PCDH11X: variants seen among roughly 807,000 people sequenced by gnomAD.
PCDH11X encodes protocadherin-11 X-linked.
Under a neutral mutation model 53.3 loss-of-function variants are expected in PCDH11X, and 18 were observed. The ratio of observed to expected loss-of-function variants is 0.34; its 90% CI spans 0.23 to 0.50. The LOEUF (loss-of-function observed/expected upper bound fraction) is 0.50. Ranked by LOEUF, PCDH11X falls within the 20% of genes least tolerant of loss-of-function variation. The pLI is 0.98. For synonymous variants in PCDH11X, 279 were observed against 393.3 expected, an observed-to-expected ratio of 0.71 and a Z score of 3.44; for missense variants, 570 against 1,032.4, an observed-to-expected ratio of 0.55 and a Z score of 6.14.
intron 8 of PCDH11X, among the ~76,000 whole-genome samples, chrX:92,320,111 A>G (rs1016541861): frequency 4.7e-4 from 53 of 111,946 alleles, no homozygotes; most frequent in African/African-American, 1.7e-3. Context: ...TCTTCTACAC[A>G]TTGAAACAAA....
intron 6 of PCDH11X, among the ~76,000 whole-genome samples, chrX:91,890,012 A>C (rs1173566442): frequency 9.5e-6 from 1 of 105,394 alleles, no homozygotes; most frequent in African/African-American, 3.5e-5. Context: ...AAATTAAAGA[A>C]ATGAGAGGGA....
chrX:92,592,686 G>A (rs2750630), intron 10 of PCDH11X, among the ~76,000 whole-genome samples: 1 of 112,008 alleles, frequency 8.9e-6, no homozygotes, highest in Admixed American at 9.4e-5. Flanking sequence ...AGCCGAGATC[G>A]CATCACTGCA....
intron 9 of PCDH11X, among the ~76,000 whole-genome samples, chrX:92,408,026 A>G (rs773891571): frequency 0.01 from 1,099 of 109,768 alleles, 6 homozygotes; most frequent in African/African-American, 0.035. Context: ...CTGGGATTAC[A>G]GGCACATGCC....
intron 9 of PCDH11X, among the ~76,000 whole-genome samples, chrX:92,390,247 G>A (rs2754892): frequency 1.8e-5 from 2 of 109,810 alleles, no homozygotes; most frequent in South Asian, 3.9e-4. Flanking sequence ...AGAAAATTTT[G>A]GTTAGGAGTT....
At position 91,877,644 on chromosome X, in the gene PCDH11X, G is replaced by T; in HGVS notation, c.1404G>T (p.Gln468His). ...DENDNAPVFTQSFVTVSIPEN... is the reference protein window; with the variant it reads ...DENDNAPVFTHSFVTVSIPEN... ...ATGACAATGCTCCAGTTTTCACCCAGTCTTTCGTAACTGTTTCTATTCCTG... is the reference window on the plus strand; with the variant it reads ...ATGACAATGCTCCAGTTTTCACCCATTCTTTCGTAACTGTTTCTATTCCTG... Residue 468 changes from glutamine to histidine, a missense_variant, in exon 6 of 11, where the codon CAG (glutamine) becomes CAT (histidine). Around this residue, in one of 6 missense-constraint regions of PCDH11X, gnomAD observed 226 missense variants for 457.5 expected, o/e 0.49. Transcript: ENST00000682573. The T allele has an allele frequency of 2.5e-6, 3 of 1,210,345 alleles. No individual in the cohort carries two copies. The highest frequency in any genetic ancestry group is 3.4e-6 in the Non-Finnish European group (3 of 895,149).
chrX:92,449,971 G>T (rs1389009857), intron 9 of PCDH11X, among the ~76,000 whole-genome samples: 1 of 111,031 alleles, frequency 9.0e-6, no homozygotes, highest in Non-Finnish European at 1.9e-5. Context: ...CAGTATAATT[G>T]TATAATTTAA....
intron 8 of PCDH11X, among the ~76,000 whole-genome samples, chrX:92,369,166 T>C (rs960083072): frequency 9.2e-6 from 1 of 108,551 alleles, no homozygotes; most frequent in Non-Finnish European, 1.9e-5. Flanking sequence ...GGGTTTTGTC[T>C]GTAAGTTCCT....
At chrX:91,813,831 A>G (rs1343719599) in intron 4 of PCDH11X, among the ~76,000 whole-genome samples, 1 of 109,807 alleles carries the variant, frequency 9.1e-6, no homozygotes, top group East Asian at 2.8e-4. Context: ...GAATAAAAAT[A>G]GAGAGGAGAA....
intron 10 of PCDH11X, among the ~76,000 whole-genome samples, chrX:92,498,644 C>T (rs2073902932): frequency 9.4e-6 from 1 of 106,888 alleles, no homozygotes; most frequent in East Asian, 3.0e-4. Context: ...TTGACTTAAC[C>T]TACCTTTAAA....
chrX:92,063,287 C>G (rs1221913417), intron 6 of PCDH11X, among the ~76,000 whole-genome samples: 1 of 109,129 alleles, frequency 9.2e-6, no homozygotes, highest in Non-Finnish European at 1.9e-5. Flanking sequence ...ACGTTTATAC[C>G]TATGTAACAA....
In PCDH11X at chrX:91,877,698, G is replaced by T; in HGVS notation, c.1458G>T (p.Thr486=). The T allele has an allele frequency of 8.3e-7, 1 of 1,211,424 alleles. No homozygotes were observed. Among genetic ancestry groups the T allele is most frequent in the African/African-American group, 1.7e-5 (1 of 57,691 alleles). ...ATAACTCTCCTGGCATCCAGTTGACGAAAGTAAGTGCAATGGATGCAGACA... is the reference window on the plus strand; with the variant it reads ...ATAACTCTCCTGGCATCCAGTTGACTAAAGTAAGTGCAATGGATGCAGACA... ...PENNSPGIQL[T]KVSAMDADSG... Residue 486 remains threonine, a synonymous_variant, in exon 6 of 11, where the codon ACG becomes ACT. Coordinates refer to ENST00000682573, the MANE Select transcript of PCDH11X (RefSeq NM_032968.5).
intron 6 of PCDH11X, among the ~76,000 whole-genome samples, chrX:91,949,781 A>G (rs2061616802): frequency 9.1e-6 from 1 of 109,963 alleles, no homozygotes. Context: ...TTTTAATCAG[A>G]TACAAACTAT....
chrX:92,599,242 A>G (rs1260391995), intron 10 of PCDH11X, among the ~76,000 whole-genome samples: 2 of 111,478 alleles, frequency 1.8e-5, no homozygotes, highest in Admixed American at 9.5e-5. Flanking sequence ...GGGATGGATA[A>G]CCCATATTTC....
At chrX:92,251,918 T>C (rs1237382243) in intron 7 of PCDH11X, among the ~76,000 whole-genome samples, 1 of 111,386 alleles carries the variant, frequency 9.0e-6, no homozygotes, top group Non-Finnish European at 1.9e-5. Context: ...TTTATTGTTA[T>C]AAAGATGCTA....
At chrX:91,893,432 C>T (rs1940598771) in intron 6 of PCDH11X, among the ~76,000 whole-genome samples, 1 of 106,138 alleles carries the variant, frequency 9.4e-6, no homozygotes, top group African/African-American at 3.4e-5. Context: ...ACTGCAAGCG[C>T]TTTTAGGCAT....
intron 10 of PCDH11X, among the ~76,000 whole-genome samples, chrX:92,615,546 T>C (rs1392693197): frequency 1.8e-5 from 2 of 111,242 alleles, no homozygotes; most frequent in Non-Finnish European, 3.8e-5. Context: ...TACCTACTGC[T>C]GTGGTGCTTT....
intron 10 of PCDH11X, among the ~76,000 whole-genome samples, chrX:92,613,483 C>A (rs189299385): frequency 1.3e-3 from 140 of 105,827 alleles, no homozygotes; most frequent in Middle Eastern, 5.2e-3. Context: ...TGATGGAGTT[C>A]GTTTGTATGT....
At chrX:91,828,405 A>G (rs765071630) in intron 4 of PCDH11X, among the ~76,000 whole-genome samples, 74 of 110,194 alleles carry the variant, frequency 6.7e-4, no homozygotes, top group Non-Finnish European at 1.2e-3. Flanking sequence ...CATTTTTTCT[A>G]CTCTAAGTGT....
intron 8 of PCDH11X, among the ~76,000 whole-genome samples, chrX:92,301,865 C>G (rs1243723999): frequency 9.1e-6 from 1 of 110,004 alleles, no homozygotes; most frequent in South Asian, 4.0e-4. Context: ...ATCCTTTAAA[C>G]GTTTGGTAGA....
Sources: allele counts gnomAD v4.1 joint callset (sites outside exome capture counted in the v4.1 genomes callset), GRCh38; gene constraint gnomAD v4.1.1; regional missense constraint gnomAD v4.1.1; transcripts MANE v1.5; gene names NCBI Gene and HGNC (gene_info 2026-07-23, HGNC 2026-07-21).